CDC6: variants seen among roughly 807,000 people sequenced by gnomAD.
The protein encoded by CDC6 is DNA replication factor CDC6.
A neutral mutation model predicts 60.2 loss-of-function variants in CDC6; 46 were observed. The ratio of observed to expected loss-of-function variants is 0.76; its 90% CI spans 0.60 to 0.98. The LOEUF (loss-of-function observed/expected upper bound fraction) is 0.98, where lower values mean the gene tolerates loss of function less well. CDC6 is among the 50% of genes least tolerant of loss of function. The pLI is 0.00. For synonymous variants in CDC6, 210 were observed against 233.2 expected, an observed-to-expected ratio of 0.90 and a Z score of 0.90; for missense variants, 596 against 652.9, an observed-to-expected ratio of 0.91 and a Z score of 0.95.
rs980839151 is a variant in CDC6, at chr17:40,293,622, G to A, written c.827G>A (p.Gly276Asp). The A allele has an allele frequency of 2.5e-6, 4 of 1,611,928 alleles. No homozygotes were observed. Among genetic ancestry groups the A allele is most frequent in the Non-Finnish European group, 3.4e-6 (4 of 1,177,996 alleles). ...KLEKHMTAEK[G>D]PMIVLVLDEM... ...GAAAAACATATGACTGCAGAGAAGGGCCCCATGATGTAAGTATTGTTCTGC... is the reference window on the plus strand; with the variant it reads ...GAAAAACATATGACTGCAGAGAAGGACCCCATGATGTAAGTATTGTTCTGC... The change falls in exon 5 of 12, where the codon GGC becomes GAC. Residue 276 changes from glycine to aspartate, a missense_variant. Transcript: ENST00000209728.
At chr17:40,301,631 G>A (rs1390624270) in intron 11 of CDC6, 23 bp downstream of exon 11, 1 of 1,612,228 alleles carries the variant, frequency 6.2e-7, no homozygotes. Flanking sequence ...TTTTGTGACA[G>A]TGTTTTTAAT....
In CDC6 at chr17:40,300,767, C is replaced by A. The variant is rs1320077138; in HGVS notation, c.1250-61C>A. On this transcript the variant is annotated intron_variant, in intron 9 of 11. Coordinates refer to ENST00000209728, the MANE Select transcript of CDC6 (RefSeq NM_001254.4). Reference sequence around the variant, plus strand: ...TCAAACTTAGTATCATCTGTCTCATCATACATACACACACACAGTATTTTA... The same window carrying A: ...TCAAACTTAGTATCATCTGTCTCATAATACATACACACACACAGTATTTTA... 22 of 1,249,268 alleles carry A rather than the reference C, an allele frequency of 1.8e-5. 1 individual carries two copies. The Middle Eastern group carries it at 9.5e-4, about 54-fold the overall frequency. 77.4% of individuals were successfully genotyped at this position (1,249,268 alleles called of 1,614,324 possible).
chr17:40,300,211 G>A (rs1317599004), intron 9 of CDC6, among the ~76,000 whole-genome samples: 2 of 152,158 alleles, frequency 1.3e-5, no homozygotes, highest in Non-Finnish European at 2.9e-5. Flanking sequence ...TGATCTGCCC[G>A]CCTTGATCTC....
At chr17:40,289,187 C>G (rs1325533688) in intron 1 of CDC6, 8 of 486,264 alleles carry the variant, frequency 1.6e-5, no homozygotes, top group Non-Finnish European at 3.0e-5. Flanking sequence ...GAGTTGGTAC[C>G]TAAAGTGTTT....
At position 40,300,981 on chromosome 17, in the gene CDC6, T is replaced by C. The variant is rs1598519106; in HGVS notation, c.1403T>C (p.Leu468Ser). Residue 468 changes from leucine to serine, a missense_variant, in exon 10 of 12, where the codon TTG becomes TCG. Leu to Ser is a moderately radical substitution (Grantham distance 145). Transcript: ENST00000209728. ...CAGCAGAAGATCTTGGTTTGCTCTTTGATGCTCTTGATCAGGCAGTTGAAA... is the reference window on the plus strand; with the variant it reads ...CAGCAGAAGATCTTGGTTTGCTCTTCGATGCTCTTGATCAGGCAGTTGAAA... ...PLQQKILVCS[L>S]MLLIRQLKIK... 2 of 1,614,112 alleles carry C rather than the reference T, an allele frequency of 1.2e-6. No individual in the cohort carries two copies. The highest frequency in any genetic ancestry group is 2.2e-5 in the East Asian group (1 of 44,876).
rs182054371 is a variant in CDC6 at position 40,292,781 on chromosome 17, A to G, written c.661-675A>G. On this transcript the variant is annotated intron_variant, in intron 4 of 11. Coordinates refer to ENST00000209728, the MANE Select transcript of CDC6 (RefSeq NM_001254.4). ...CGTCTCTACTAAAAATACAAAAAAA[A>G]TTAGCCAGGCGTGGTGGCGAGTGCC... is the stretch of plus-strand genomic sequence containing the variant. Among the ~76,000 whole-genome samples the G allele has an allele frequency of 2.2e-4, 33 of 151,842 alleles. No homozygotes were observed. The East Asian group carries it at 6.0e-3, about 28-fold the overall frequency.
At position 40,293,697 on chromosome 17, in the gene CDC6, C is replaced by T; in HGVS notation, c.836+66C>T. On this transcript the variant is annotated intron_variant, in intron 5 of 11. Coordinates refer to ENST00000209728, the MANE Select transcript of CDC6 (RefSeq NM_001254.4). ...CAAGGTCTGTTGCCCATAAAAAGTA[C>T]ATTTTGTATATTTTCTCTCTGAAGG... is the stretch of plus-strand genomic sequence containing the variant. 14 of 1,271,100 alleles carry T rather than the reference C, an allele frequency of 1.1e-5. No individual in the cohort carries two copies. The South Asian group carries it at 1.7e-4, about 15-fold the overall frequency. The allele number at this position is 1,271,100 out of a possible 1,614,324, so 78.7% of individuals were successfully genotyped here.
In CDC6 at chr17:40,295,451, T is replaced by C; in HGVS notation, c.1179T>C (p.Val393=). The part of the protein sequence containing the change: ...VSGDVRKALD[V]CRRAIEIVES... The stretch of plus-strand genomic sequence containing the variant: ...GAGATGTTCGCAAAGCACTGGATGT[T>C]TGCAGGTGAGTTACGGCTCTGTTGC... Residue 393 remains valine (V), a synonymous_variant, in exon 8 of 12, where the codon GTT becomes GTC. Transcript: ENST00000209728. 6.2e-7 allele frequency: 1 copy of C among 1,605,408 alleles called. No homozygotes were observed. Among genetic ancestry groups the C allele is most frequent in the Admixed American group, 1.7e-5 (1 of 59,990 alleles).
At chr17:40,299,228 A>G (rs528506604) in intron 9 of CDC6, among the ~76,000 whole-genome samples, 1 of 136,734 alleles carries the variant, frequency 7.3e-6, no homozygotes, top group Non-Finnish European at 1.5e-5. Context: ...GCTCAATGCA[A>G]CCTCCTCCTC....
rs142250259 is a variant in CDC6 at position 40,304,232 on chromosome 17, C to G, written c.*2231C>G. On this transcript the variant is annotated 3_prime_UTR_variant, in exon 12 of 12. Transcript: ENST00000209728. ...TTTAGCAGTTGGAACAGGGTTGGTT[C>G]TGTCAATGATGCATGAAGCAGACTT... 2 of 152,232 alleles carry G rather than the reference C, an allele frequency of 1.3e-5. No homozygotes were observed. Among genetic ancestry groups the G allele is most frequent in the Non-Finnish European group, 2.9e-5 (2 of 68,048 alleles). The allele number at this position is 152,232 out of a possible 1,614,324, so 9.4% of individuals were successfully genotyped here.
chr17:40,293,088 A>G (rs4135009), intron 4 of CDC6, among the ~76,000 whole-genome samples: 21 of 151,814 alleles, frequency 1.4e-4, no homozygotes, highest in Admixed American at 1.0e-3. Context: ...AAAATATAAA[A>G]ATTAGCTGGG....
chr17:40,291,820 A>C, intron 4 of CDC6, 152 bp downstream of exon 4: 1 of 785,558 alleles, frequency 1.3e-6, no homozygotes. Flanking sequence ...ATCTCGGCTC[A>C]CTGCAAGCTC....
intron 7 of CDC6, among the ~76,000 whole-genome samples, chr17:40,295,015 G>A (rs1404918457): frequency 3.3e-5 from 5 of 152,088 alleles, no homozygotes; most frequent in Non-Finnish European, 7.4e-5. Context: ...ATGAGCCATC[G>A]CACCCAGCCT....
intron 2 of CDC6, among the ~76,000 whole-genome samples, chr17:40,290,209 AC>A (rs762625387): frequency 6.6e-6 from 1 of 152,214 alleles, no homozygotes; most frequent in African/African-American, 2.4e-5. Context: ...TATGAAACTT[AC>A]CTCAATATTT....
intron 10 of CDC6, 23 bp from the exon 11 acceptor site, chr17:40,301,445 T>G (rs1423984539): frequency 5.6e-6 from 9 of 1,613,350 alleles, no homozygotes; most frequent in African/African-American, 1.3e-5. Flanking sequence ...AAGCAGCGTT[T>G]GTTCTCCCTT....
chr17:40,291,083 C>T lies in CDC6; in HGVS notation c.204C>T (p.Pro68=). ...RLGDDNLCNT[P]HLPPCSPPKQ... ...GCGATGACAACCTATGCAACACTCC[C>T]CATTTACCTCCTTGTTCTCCACCAA... The change falls in exon 3 of 12, where the codon CCC becomes CCT. Residue 68 remains proline, a synonymous_variant. Coordinates refer to ENST00000209728, the MANE Select transcript of CDC6 (RefSeq NM_001254.4). 2 of 1,614,080 alleles carry T rather than the reference C, an allele frequency of 1.2e-6. No individual in the cohort carries two copies. Among genetic ancestry groups the T allele is most frequent in the Non-Finnish European group, 1.7e-6 (2 of 1,180,008 alleles).
chr17:40,297,080 G>A (rs1052094620), intron 9 of CDC6, among the ~76,000 whole-genome samples: 4 of 152,076 alleles, frequency 2.6e-5, no homozygotes, highest in Non-Finnish European at 4.4e-5. Context: ...TGCTTATGTT[G>A]CGTGCACTTT....
intron 8 of CDC6, among the ~76,000 whole-genome samples, 158 bp from the exon 9 acceptor site, chr17:40,296,545 C>T (rs2032862431): frequency 6.6e-6 from 1 of 152,040 alleles, no homozygotes; most frequent in African/African-American, 2.4e-5. Context: ...TAAAGTTACA[C>T]GTAGGATATG....
rs563193240 is a variant in CDC6 at position 40,291,060 on chromosome 17, G to A, written c.181G>A (p.Asp61Asn). ...LPLSPRKRLG[D>N]DNLCNTPHLP... is the part of the protein sequence containing the mutation. ...ATTTTTATTTTATTGTGTTTCAGGC[G>A]ATGACAACCTATGCAACACTCCCCA... The change falls in exon 3 of 12, where the codon GAT (aspartate) becomes AAT (asparagine). Residue 61 changes from aspartate (D) to asparagine (N), a missense_variant and splice_region_variant. Asp to Asn is a conservative substitution (Grantham distance 23). Transcript: ENST00000209728. 33 of 1,613,876 alleles carry A rather than the reference G, an allele frequency of 2.0e-5. No homozygotes were observed. The highest frequency in any genetic ancestry group is 2.5e-5 in the Non-Finnish European group (30 of 1,179,976).
Sources: allele counts gnomAD v4.1 joint callset (sites outside exome capture counted in the v4.1 genomes callset), GRCh38; gene constraint gnomAD v4.1.1; transcripts MANE v1.5; gene names NCBI Gene and HGNC (gene_info 2026-07-23, HGNC 2026-07-21).